The following PSMG1 variants were observed in gnomAD, a reference collection of about 807,000 sequenced individuals.
The protein encoded by PSMG1 is Down syndrome critical region gene 2.
In PSMG1, 23 loss-of-function variants were observed where a neutral mutation model predicts 37.2. That is an observed-to-expected ratio of 0.62 (90% confidence interval 0.44 to 0.88). The LOEUF (loss-of-function observed/expected upper bound fraction) is 0.88. Among genes scored for constraint, PSMG1 ranks in the 40% least tolerant of loss-of-function variants. The pLI is 0.00. For missense variants in PSMG1, 340 were observed against 344.2 expected (o/e 0.99, Z 0.10); for synonymous variants, 127 against 128.0 (o/e 0.99, Z 0.05).
At chr21:39,181,535 C>A (rs1444261705) in intron 2 of PSMG1, among the ~76,000 whole-genome samples, 1 of 151,570 alleles carries the variant, frequency 6.6e-6, no homozygotes, top group Non-Finnish European at 1.5e-5. Context: ...GCAGGAGGAT[C>A]ACTTGAGGAC....
At chr21:39,178,876 A>C in intron 4 of PSMG1, 1 of 527,708 alleles carries the variant, frequency 1.9e-6, no homozygotes, top group South Asian at 2.2e-5. Flanking sequence ...TAGTGAACTA[A>C]GGTGATATAG....
At chr21:39,181,069 C>G (rs1173492925) in intron 2 of PSMG1, among the ~76,000 whole-genome samples, 3 of 152,116 alleles carry the variant, frequency 2.0e-5, no homozygotes, top group African/African-American at 7.2e-5. Context: ...AACATAAACC[C>G]GGATACCTCA....
intron 5 of PSMG1, 48 bp downstream of exon 5, chr21:39,178,401 C>A (rs768764966): frequency 6.5e-7 from 1 of 1,528,080 alleles, no homozygotes; most frequent in East Asian, 2.3e-5. Context: ...AAAGTAGTAT[C>A]AATAAAGCAA....
chr21:39,183,348 G>A lies in PSMG1; in HGVS notation c.38C>T (p.Pro13Leu), dbSNP rs150047855. ...ATFFGEVVKA[P>L]CRAGTEDEEE... The stretch of plus-strand genomic sequence containing the variant: ...TTCGTCCTCAGTCCCAGCTCGGCAC[G>A]GCGCCTTCACCACCTCTCCGAAGAA... The change falls in exon 1 of 7, where the codon CCG becomes CTG. Residue 13 changes from proline to leucine, a missense_variant. By Grantham distance (98) the Pro-to-Leu change is moderately conservative (BLOSUM62 -3). Transcript: ENST00000331573. The A allele has an allele frequency of 5.4e-5, 85 of 1,573,706 alleles. No homozygotes were observed. The highest frequency in any genetic ancestry group is 7.1e-5 in the Non-Finnish European group (82 of 1,162,948).
chr21:39,179,329 T>A (rs2030739758), intron 4 of PSMG1, among the ~76,000 whole-genome samples: 1 of 152,202 alleles, frequency 6.6e-6, no homozygotes, highest in Non-Finnish European at 1.5e-5. Flanking sequence ...GGGCCTGCGA[T>A]GTGGAGTAAA....
Position 39,183,222 on chromosome 21 carries a change from G to A in PSMG1, c.134+30C>T, listed in dbSNP as rs757439386. The A allele has an allele frequency of 3.9e-6, 6 of 1,541,346 alleles. No homozygotes were observed. In the East Asian group the frequency reaches 7.7e-5, roughly 20 times the overall value. ...GGCCCGCGCACCTTCCAGCTGCGGT[G>A]AGCGCGCTGCCCTTATCCCGGTGCC... On this transcript the variant is annotated intron_variant, in intron 1 of 6. Coordinates refer to ENST00000331573, the MANE Select transcript of PSMG1 (RefSeq NM_003720.4).
chr21:39,181,542 G>A (rs1409054417), intron 2 of PSMG1, among the ~76,000 whole-genome samples: 1 of 151,770 alleles, frequency 6.6e-6, no homozygotes, highest in Non-Finnish European at 1.5e-5. Flanking sequence ...GATCACTTGA[G>A]GACAGGAGTG....
chr21:39,182,928 G>A (rs2030912482), intron 1 of PSMG1: 1 of 282,388 alleles, frequency 3.5e-6, no homozygotes, highest in East Asian at 6.8e-5. Context: ...GAGTCCGCAA[G>A]ACACCAAGCC....
Position 39,180,388 on chromosome 21 carries a change from C to T in PSMG1, c.290G>A (p.Gly97Asp), listed in dbSNP as rs1190445481. Residue 97 changes from glycine (G) to aspartate (D), a missense_variant, in exon 3 of 7, where the codon GGT (glycine) becomes GAT (aspartate). Coordinates refer to ENST00000331573, the MANE Select transcript of PSMG1 (RefSeq NM_003720.4). ...CCATTCATTCCAGAGTTTAGCACAA[C>T]CAACTTCCTCCCAGACTCCTGAATT... ...VMNSGVWEEV[G>D]CAKLWNEWCR... 1.2e-6 allele frequency: 2 copies of T among 1,608,050 alleles called. No homozygotes were observed. The highest frequency in any genetic ancestry group is 8.5e-7 in the Non-Finnish European group (1 of 1,177,078).
intron 1 of PSMG1, 54 bp from the exon 2 acceptor site, chr21:39,181,932 G>T: frequency 8.7e-7 from 1 of 1,148,442 alleles, no homozygotes; most frequent in South Asian, 1.6e-5. Flanking sequence ...ACAGTATCAT[G>T]GCAAAAGGGC....
At chr21:39,176,890 A>G (rs1466764293) in intron 6 of PSMG1, among the ~76,000 whole-genome samples, 1 of 152,244 alleles carries the variant, frequency 6.6e-6, no homozygotes, top group Non-Finnish European at 1.5e-5. Context: ...GTCTCTTAAG[A>G]GAAAACAATG....
At chr21:39,180,758 T>TTGCCATCATGTAC (rs2030799111) in intron 2 of PSMG1, among the ~76,000 whole-genome samples, 2 of 152,222 alleles carry the variant, frequency 1.3e-5, no homozygotes, top group Admixed American at 1.3e-4. Context: ...CCATAGTTAC[T>TTGCCATCATGTAC]TGCCATCATG....
rs771114741 is a variant in PSMG1 at position 39,181,895 on chromosome 21, G to A, written c.135-17C>T. ...CGCACTTCCCTAACACAAGAAACAA[G>A]ATGAAACTAAAGCAACTTCAATATA... is the stretch of plus-strand genomic sequence containing the variant. On this transcript the variant is annotated splice_polypyrimidine_tract_variant and intron_variant, in intron 1 of 6. Transcript: ENST00000331573. 1.3e-6 allele frequency: 2 copies of A among 1,543,268 alleles called. No homozygotes were observed. The highest frequency in any genetic ancestry group is 4.7e-5 in the East Asian group (2 of 42,526).
In PSMG1 at chr21:39,179,998, A is replaced by G; in HGVS notation, c.394-12T>C. 6.2e-7 allele frequency: 1 copy of G among 1,605,624 alleles called. No individual in the cohort carries two copies. The highest frequency in any genetic ancestry group is 8.5e-7 in the Non-Finnish European group (1 of 1,176,498). On this transcript the variant is annotated splice_polypyrimidine_tract_variant and intron_variant, in intron 3 of 6. Transcript: ENST00000331573. ...TGACAGAGAAAAACCTGAAAAGTCA[A>G]GTTCCACGCTTTTTGTCAAGTAAGT...
chr21:39,178,466 T>C lies in PSMG1; in HGVS notation c.638A>G (p.His213Arg). 6.2e-7 allele frequency: 1 copy of C among 1,613,394 alleles called. No individual in the cohort carries two copies. Among genetic ancestry groups the C allele is most frequent in the East Asian group, 2.2e-5 (1 of 44,882 alleles). ...AATACCACCTGCTGCAGGAAGGTCGTGTACTATATTCGGTTGTTCTAGCAA... is the reference window on the plus strand; with the variant it reads ...AATACCACCTGCTGCAGGAAGGTCGCGTACTATATTCGGTTGTTCTAGCAA... ...CPLLEQPNIV[H>R]DLPAAVLSYC... Residue 213 changes from histidine to arginine, a missense_variant, in exon 5 of 7, where the codon CAC (histidine) becomes CGC (arginine). By Grantham distance (29) the His-to-Arg change is conservative (BLOSUM62 0). Transcript: ENST00000331573.
chr21:39,175,462 T>C lies in PSMG1; in HGVS notation c.*128A>G, dbSNP rs2030591495. 8.4e-6 allele frequency: 11 copies of C among 1,316,482 alleles called. No individual in the cohort carries two copies. The South Asian group carries it at 2.0e-4, about 23-fold the overall frequency. The allele number at this position is 1,316,482 out of a possible 1,614,324, so 81.6% of individuals were successfully genotyped here. On this transcript the variant is annotated 3_prime_UTR_variant, in exon 7 of 7. Coordinates refer to ENST00000331573, the MANE Select transcript of PSMG1 (RefSeq NM_003720.4). ...AATAAGGAATTAAAACTACAATTAA[T>C]TTTTTACAATTTTATTCCGTTTCAT...
chr21:39,178,131 T>C (rs2030692592), intron 5 of PSMG1, among the ~76,000 whole-genome samples: 1 of 152,258 alleles, frequency 6.6e-6, no homozygotes, highest in Admixed American at 6.5e-5. Context: ...AATTAAAATG[T>C]ACTTTATCAA....
chr21:39,179,909 T>C lies in PSMG1; in HGVS notation c.456+15A>G. 1 of 1,611,482 alleles carries C rather than the reference T, an allele frequency of 6.2e-7. No individual in the cohort carries two copies. Among genetic ancestry groups the C allele is most frequent in the Middle Eastern group, 1.7e-4 (1 of 6,056 alleles). On this transcript the variant is annotated intron_variant, in intron 4 of 6. Coordinates refer to ENST00000331573, the MANE Select transcript of PSMG1 (RefSeq NM_003720.4). The stretch of plus-strand genomic sequence containing the variant: ...CTGTAGACTAACCATTCACAGGTTT[T>C]CATTTCTCTCTTACCTTTTCCAGCC...
chr21:39,175,588 G>A lies in PSMG1; in HGVS notation c.*2C>T. ...ATATACACTACAAAACAATGTTTAA[G>A]ATCATGTATAAATGTTACTCTGAAT... On this transcript the variant is annotated 3_prime_UTR_variant, in exon 7 of 7. Transcript: ENST00000331573. 6.3e-7 allele frequency: 1 copy of A among 1,587,058 alleles called. No individual in the cohort carries two copies. The highest frequency in any genetic ancestry group is 8.7e-7 in the Non-Finnish European group (1 of 1,155,892).
Sources: gnomAD v4.1 joint callset for allele counts (sites outside exome capture counted in the v4.1 genomes callset) on GRCh38, gnomAD v4.1.1 for gene constraint, MANE v1.5 for transcripts, NCBI Gene and HGNC (gene_info 2026-07-23, HGNC 2026-07-21) for gene names.